Variants in NPAS2 observed in about 807,000 individuals in gnomAD.
NPAS2 encodes the protein neuronal PAS domain-containing protein 2.
Under a neutral mutation model 107.5 loss-of-function variants are expected in NPAS2, and 23 were observed. The observed-to-expected ratio is 0.21, with a 90% CI of 0.15 to 0.30. NPAS2 has a LOEUF of 0.30. NPAS2 is among the 10% of genes least tolerant of loss of function. NPAS2 has a pLI of 1.00. For synonymous variants in NPAS2, 403 were observed against 417.5 expected, an observed-to-expected ratio of 0.97 and a Z score of 0.42; for missense variants, 756 against 1,043.3, an observed-to-expected ratio of 0.72 and a Z score of 3.79.
intron 1 of NPAS2, among the ~76,000 whole-genome samples, chr2:100,870,344 A>G (rs1558824639): frequency 6.6e-6 from 1 of 152,156 alleles, no homozygotes; most frequent in South Asian, 2.1e-4. Flanking sequence ...GTTAAGGCCA[A>G]GGGGCCCCAT....
rs990548572 is a variant in NPAS2, at chr2:100,877,054, A to G, written c.-22-27679A>G. Among the ~76,000 whole-genome samples the G allele has an allele frequency of 4.6e-5, 7 of 152,334 alleles. No homozygotes were observed. The South Asian group carries it at 6.2e-4, about 14-fold the overall frequency. On this transcript the variant is annotated intron_variant, in intron 1 of 20. Transcript: ENST00000335681. ...CCTCGGGGCCCTCTCCATCAACGTCATGGATCAAGTTCCTCCTGATGACCA... is the reference window on the plus strand; with the variant it reads ...CCTCGGGGCCCTCTCCATCAACGTCGTGGATCAAGTTCCTCCTGATGACCA...
intron 11 of NPAS2, 61 bp from the exon 12 acceptor site, chr2:100,970,929 G>T (rs1676506915): frequency 1.4e-6 from 2 of 1,453,950 alleles, no homozygotes; most frequent in Non-Finnish European, 1.9e-6. Flanking sequence ...GTCTGTTCAG[G>T]TGGTGTCATC....
intron 5 of NPAS2, among the ~76,000 whole-genome samples, chr2:100,942,293 G>A (rs1265927374): frequency 6.6e-6 from 1 of 152,098 alleles, no homozygotes; most frequent in African/African-American, 2.4e-5. Context: ...CAAAGCCCCT[G>A]GCCTGTGTTA....
rs1321096079 is a variant in NPAS2, at chr2:100,820,599, ACAGT to A, written c.-23+189_-23+192del. 6.6e-6 allele frequency among the ~76,000 whole-genome samples: 1 copy of A among 151,972 alleles called. No homozygotes were observed. Among genetic ancestry groups the A allele is most frequent in the East Asian group, 2.0e-4 (1 of 5,108 alleles). ...GGCGCGGAGAGGTGGGTTCCCCTCC[ACAGT>A]CAGGCCGCTGGGGGCTTCGCGTCCT... On this transcript the variant is annotated intron_variant, in intron 1 of 20. Coordinates refer to ENST00000335681, the MANE Select transcript of NPAS2 (RefSeq NM_002518.4). The surrounding 1 kb of genome is among the most constrained non-coding windows in gnomAD (Gnocchi z 5.6).
At position 100,993,483 on chromosome 2, in the gene NPAS2, C is replaced by A. The variant is rs1678260309; in HGVS notation, c.2248C>A (p.Gln750Lys). The stretch of plus-strand genomic sequence containing the variant: ...CCCTGCCTCCCAACCATCGCCCCTG[C>A]AGCCTGCACAGGCCCGGCAGCAGCC... ...SFPASQPSPL[Q>K]PAQARQQPPQ... The change falls in exon 20 of 21, where the codon CAG (glutamine) becomes AAG (lysine). Residue 750 changes from glutamine to lysine, a missense_variant. By Grantham distance (53) the Gln-to-Lys change is moderately conservative (BLOSUM62 1). This residue lies in a region of NPAS2 where 496 missense variants were observed against 594.4 expected (regional missense o/e 0.83). Transcript: ENST00000335681. 1 of 1,606,388 alleles carries A rather than the reference C, an allele frequency of 6.2e-7. No individual in the cohort carries two copies. Among genetic ancestry groups the A allele is most frequent in the East Asian group, 2.3e-5 (1 of 44,418 alleles).
At chr2:100,852,202 C>T (rs1433696170) in intron 1 of NPAS2, among the ~76,000 whole-genome samples, 3 of 152,058 alleles carry the variant, frequency 2.0e-5, no homozygotes, top group Non-Finnish European at 2.9e-5. Context: ...CAAGACCATC[C>T]TGGCTAACAC....
At chr2:100,840,526 C>T (rs1677331877) in intron 1 of NPAS2, among the ~76,000 whole-genome samples, 1 of 152,070 alleles carries the variant, frequency 6.6e-6, no homozygotes, top group Admixed American at 6.5e-5. Flanking sequence ...TTCACAGACC[C>T]GGCTTCCTCA....
intron 1 of NPAS2, among the ~76,000 whole-genome samples, chr2:100,827,215 C>T (rs1676444233): frequency 6.6e-6 from 1 of 152,136 alleles, no homozygotes; most frequent in Non-Finnish European, 1.5e-5. Flanking sequence ...TCAATCCAGT[C>T]AGATGGTAGG....
chr2:100,852,362 G>A lies in NPAS2; in HGVS notation c.-23+31948G>A, dbSNP rs375369024. On this transcript the variant is annotated intron_variant, in intron 1 of 20. Coordinates refer to ENST00000335681, the MANE Select transcript of NPAS2 (RefSeq NM_002518.4). ...CAGTGAGCTGAGATCGCACCACTGC[G>A]CTCCAGCCTGGGTGACAGAGCGAGA... 1.5e-3 allele frequency among the ~76,000 whole-genome samples: 232 copies of A among 152,080 alleles called. 1 individual carries two copies. Among genetic ancestry groups the A allele is most frequent in the African/African-American group, 4.0e-3 (168 of 41,504 alleles).
Position 100,995,511 on chromosome 2 carries a change from C to A in NPAS2, c.2404C>A (p.Gln802Lys). The A allele has an allele frequency of 6.2e-7, 1 of 1,613,854 alleles. No individual in the cohort carries two copies. Among genetic ancestry groups the A allele is most frequent in the Non-Finnish European group, 8.5e-7 (1 of 1,179,970 alleles). Residue 802 changes from glutamine to lysine, a missense_variant, in exon 21 of 21, where the codon CAG becomes AAG. By Grantham distance (53) the Gln-to-Lys change is moderately conservative. Transcript: ENST00000335681. The stretch of plus-strand genomic sequence containing the variant: ...CCCCCAACCACCCCCAGCACAGCCC[C>A]AGCCCCTACGTCCTCCCCGAAGGGT... ...GYPQPPPAQP[Q>K]PLRPPRRVSS...
chr2:100,967,731 A>G (rs1280124750), intron 10 of NPAS2, among the ~76,000 whole-genome samples: 1 of 152,198 alleles, frequency 6.6e-6, no homozygotes, highest in Non-Finnish European at 1.5e-5. Flanking sequence ...AGCCACCAGC[A>G]GACATCACTA....
chr2:100,887,526 G>A (rs1680774291), intron 1 of NPAS2, among the ~76,000 whole-genome samples: 1 of 152,210 alleles, frequency 6.6e-6, no homozygotes, highest in Non-Finnish European at 1.5e-5. Context: ...TCTCAGCAGT[G>A]TTCGTGCAAA....
At chr2:100,902,843 T>C (rs1397254592) in intron 1 of NPAS2, among the ~76,000 whole-genome samples, 1 of 152,130 alleles carries the variant, frequency 6.6e-6, no homozygotes, top group African/African-American at 2.4e-5. Context: ...GGCCCTCTCC[T>C]CACACTGGGT....
intron 2 of NPAS2, among the ~76,000 whole-genome samples, chr2:100,907,628 A>G (rs989294906): frequency 4.1e-4 from 62 of 152,058 alleles, no homozygotes; most frequent in Admixed American, 9.8e-4. Context: ...TTACTCACCC[A>G]TTATTTTTGA....
chr2:100,933,647 A>T (rs1216845592), intron 4 of NPAS2, among the ~76,000 whole-genome samples: 2 of 152,136 alleles, frequency 1.3e-5, no homozygotes, highest in Admixed American at 1.3e-4. Flanking sequence ...TTTCCTCAAC[A>T]TCATGTATTT....
chr2:100,893,312 A>G (rs982399048), intron 1 of NPAS2, among the ~76,000 whole-genome samples: 9 of 152,240 alleles, frequency 5.9e-5, no homozygotes, highest in African/African-American at 2.2e-4. Flanking sequence ...CTCTGTCAGC[A>G]ATAAATAAAC....
chr2:100,917,714 A>G lies in NPAS2; in HGVS notation c.33-7432A>G, dbSNP rs555631354. On this transcript the variant is annotated intron_variant, in intron 2 of 20. Coordinates refer to ENST00000335681, the MANE Select transcript of NPAS2 (RefSeq NM_002518.4). ...CATAAAATCCAACCACTTAGATGAA[A>G]TGGGCCAATTACTTAAAAACCACGA... Among the ~76,000 whole-genome samples the G allele has an allele frequency of 5.9e-5, 9 of 152,282 alleles. No homozygotes were observed. In the South Asian group the frequency reaches 1.9e-3, roughly 32 times the overall value.
intron 3 of NPAS2, among the ~76,000 whole-genome samples, chr2:100,927,184 C>T (rs1683633415): frequency 6.6e-6 from 1 of 151,938 alleles, no homozygotes; most frequent in Non-Finnish European, 1.5e-5. Context: ...TTCACCCGCC[C>T]CGGCCTCCCA....
chr2:100,847,630 A>T (rs891943155), intron 1 of NPAS2, among the ~76,000 whole-genome samples: 6 of 152,218 alleles, frequency 3.9e-5, no homozygotes, highest in African/African-American at 1.4e-4. Context: ...TTGGCCTCCC[A>T]AAGTGCTGGG....
Sources: allele counts gnomAD v4.1 joint callset (sites outside exome capture counted in the v4.1 genomes callset), GRCh38; gene constraint gnomAD v4.1.1; regional missense constraint gnomAD v4.1.1; non-coding constraint Gnocchi (gnomAD v3.1); transcripts MANE v1.5; gene names NCBI Gene and HGNC (gene_info 2026-07-23, HGNC 2026-07-21).